The following DST variants were observed in gnomAD, a reference collection of about 807,000 sequenced individuals.
The protein encoded by DST is dystonin.
A neutral mutation model predicts 875.2 loss-of-function variants in DST; 253 were observed. That is an observed-to-expected ratio of 0.29 (90% confidence interval 0.26 to 0.32). DST has a LOEUF of 0.32. DST is among the 10% of genes least tolerant of loss of function. The pLI is 1.00. For synonymous variants in DST, 3,124 were observed against 3,197.1 expected (o/e 0.98, Z 0.77); for missense variants, 8,287 against 9,111.6 (o/e 0.91, Z 3.68).
At chr6:56,698,280 C>A (rs2099274649) in intron 9 of DST, among the ~76,000 whole-genome samples, 1 of 152,014 alleles carries the variant, frequency 6.6e-6, no homozygotes, top group African/African-American at 2.4e-5. Context: ...ACATTATTCT[C>A]CACCATTTGT....
At chr6:56,850,974 A>G (rs1395902960) in intron 4 of DST, 1 of 175,102 alleles carries the variant, frequency 5.7e-6, no homozygotes, top group Non-Finnish European at 1.2e-5. Context: ...ACCAAAAACC[A>G]TGGATCTTCT....
Position 56,603,271 on chromosome 6 carries a change from G to C in DST, c.11091C>G (p.Phe3697Leu). ...CTGAAGACACGTTGCTGAGGGAAGAGAAGGCGGTCTTCAAACTCTGGTGGC... is the reference window on the plus strand; with the variant it reads ...CTGAAGACACGTTGCTGAGGGAAGACAAGGCGGTCTTCAAACTCTGGTGGC... ...SISHQSLKTA[F>L]SSLSNVSSER... The change falls in exon 42 of 104, where the codon TTC becomes TTG. Residue 3697 changes from phenylalanine to leucine, a missense_variant. Coordinates refer to ENST00000680361, the MANE Select transcript of DST (RefSeq NM_001374736.1). 2.5e-6 allele frequency: 4 copies of C among 1,609,790 alleles called. No homozygotes were observed. The highest frequency in any genetic ancestry group is 3.4e-6 in the Non-Finnish European group (4 of 1,178,334).
At chr6:56,662,259 T>C (rs1449952966) in intron 10 of DST, among the ~76,000 whole-genome samples, 1 of 152,182 alleles carries the variant, frequency 6.6e-6, no homozygotes, top group Admixed American at 6.5e-5. Flanking sequence ...AAATTTTAAA[T>C]GTAATACCCT....
At chr6:56,519,078 C>A (rs1170588059) in intron 69 of DST, among the ~76,000 whole-genome samples, 2 of 152,098 alleles carry the variant, frequency 1.3e-5, no homozygotes, top group Non-Finnish European at 1.5e-5. Flanking sequence ...GAGGACAGAA[C>A]TACCATGGAC....
intron 4 of DST, among the ~76,000 whole-genome samples, chr6:56,777,420 T>A (rs1167212645): frequency 6.6e-6 from 1 of 152,040 alleles, no homozygotes; most frequent in Non-Finnish European, 1.5e-5. Flanking sequence ...AGTCCCATAA[T>A]TGAAGACTTA....
rs180975677 is a variant in DST, at chr6:56,768,687, T to C, written c.626-33398A>G. Among the ~76,000 whole-genome samples, 230 of 152,268 alleles carry C rather than the reference T, an allele frequency of 1.5e-3. 1 individual carries two copies. Among genetic ancestry groups the C allele is most frequent in the African/African-American group, 5.0e-3 (207 of 41,556 alleles). On this transcript the variant is annotated intron_variant, in intron 4 of 103. Transcript: ENST00000680361. ...ATCATGATCCATAAAAGAAAAAACA[T>C]AGGTTGGATTCATTAAAATTAAAAA...
intron 103 of DST, 103 bp from the exon 104 acceptor site, chr6:56,459,370 G>A: frequency 8.1e-7 from 1 of 1,239,332 alleles, no homozygotes; most frequent in Non-Finnish European, 1.1e-6. Flanking sequence ...TTTTCCTGGT[G>A]TGTAGTAGGC....
chr6:56,814,790 T>C (rs558616127), intron 4 of DST, among the ~76,000 whole-genome samples: 1 of 152,308 alleles, frequency 6.6e-6, no homozygotes, highest in South Asian at 2.1e-4. Context: ...TATTTAAAGT[T>C]TAATTGCTGA....
chr6:56,706,448 A>G (rs187942933), intron 5 of DST, among the ~76,000 whole-genome samples: 2 of 152,322 alleles, frequency 1.3e-5, no homozygotes, highest in Admixed American at 6.5e-5. Context: ...TCTCAACTGT[A>G]TTTCAGAGAT....
At chr6:56,825,363 GAAGGCCGCA>G (rs2099779067) in intron 4 of DST, among the ~76,000 whole-genome samples, 1 of 149,820 alleles carries the variant, frequency 6.7e-6, no homozygotes, top group Non-Finnish European at 1.5e-5. Context: ...AAACACTGCA[GAAGGCCGCA>G]GGGTCCTCTG....
intron 4 of DST, among the ~76,000 whole-genome samples, chr6:56,791,318 G>A (rs2099722730): frequency 6.6e-6 from 1 of 152,120 alleles, no homozygotes; most frequent in South Asian, 2.1e-4. Context: ...TAGTAACTGA[G>A]ACACTGTATT....
intron 4 of DST, among the ~76,000 whole-genome samples, chr6:56,752,527 G>A (rs2152953450): frequency 6.6e-6 from 1 of 151,926 alleles, no homozygotes; most frequent in East Asian, 1.9e-4. Context: ...TTCTGACACT[G>A]TAGATTGATT....
chr6:56,535,435 C>T lies in DST; in HGVS notation c.16771-143G>A, dbSNP rs369219164. On this transcript the variant is annotated intron_variant, in intron 62 of 103. Transcript: ENST00000680361. ...TTCACTTAAAATTTACCCAAAGTAT[C>T]GATAGTAGGCAGGATAGCAGTGAAA... 101 of 973,004 alleles carry T rather than the reference C, an allele frequency of 1.0e-4. No individual in the cohort carries two copies. The East Asian group carries it at 1.5e-3, about 14-fold the overall frequency. 60.3% of individuals were successfully genotyped at this position (973,004 alleles called of 1,614,324 possible).
chr6:56,663,399 C>A (rs13209145), intron 10 of DST, among the ~76,000 whole-genome samples: 1 of 152,248 alleles, frequency 6.6e-6, no homozygotes, highest in African/African-American at 2.4e-5. Context: ...AACTTTCAGG[C>A]TCTGTGTGTG....
intron 3 of DST, among the ~76,000 whole-genome samples, chr6:56,870,744 CAAGA>C (rs1488789637): frequency 6.6e-6 from 1 of 151,998 alleles, no homozygotes; most frequent in African/African-American, 2.4e-5. Flanking sequence ...TCCTGGGCAA[CAAGA>C]AAGTCACAAA....
intron 62 of DST, 101 bp downstream of exon 62, chr6:56,536,678 T>TA: frequency 8.7e-7 from 1 of 1,155,982 alleles, no homozygotes. Context: ...ACAGTAGACA[T>TA]ATTTAGAAAA....
chr6:56,788,072 T>C (rs1055489397), intron 4 of DST, among the ~76,000 whole-genome samples: 5 of 120,532 alleles, frequency 4.1e-5, no homozygotes, highest in African/African-American at 1.3e-4. Context: ...GAGGTTGCAG[T>C]GAGCCGAGAT....
At chr6:56,571,961 T>C in intron 53 of DST, 139 bp downstream of exon 53, 1 of 357,968 alleles carries the variant, frequency 2.8e-6, no homozygotes. Context: ...ATGATCAAAA[T>C]ATAAAAACAT....
chr6:56,571,314 C>T (rs1400279555), intron 53 of DST, among the ~76,000 whole-genome samples: 2 of 152,190 alleles, frequency 1.3e-5, no homozygotes, highest in African/African-American at 4.8e-5. Context: ...ACCTAGAGAT[C>T]ACCTAAGAAA....
Sources: allele counts gnomAD v4.1 joint callset (sites outside exome capture counted in the v4.1 genomes callset), GRCh38; gene constraint gnomAD v4.1.1; transcripts MANE v1.5; gene names NCBI Gene and HGNC (gene_info 2026-07-23, HGNC 2026-07-21).